MTHFD2L: variants seen among roughly 807,000 people sequenced by gnomAD.
MTHFD2L encodes the protein bifunctional methylenetetrahydrofolate dehydrogenase/cyclohydrolase 2, mitochondrial.
A neutral mutation model predicts 34.9 loss-of-function variants in MTHFD2L; 29 were observed. The observed-to-expected ratio is 0.83, with a 90% CI of 0.62 to 1.13. The LOEUF (loss-of-function observed/expected upper bound fraction) is 1.13. Among genes scored for constraint, MTHFD2L ranks in the 50% most tolerant of loss-of-function variants. The pLI, the probability that MTHFD2L is intolerant of heterozygous loss-of-function variation, is 0.00. For synonymous variants in MTHFD2L, 167 were observed against 155.7 expected (o/e 1.07, Z -0.54); for missense variants, 481 against 446.5 (o/e 1.08, Z -0.70).
chr4:74,192,637 C>T (rs1732756093), intron 3 of MTHFD2L, among the ~76,000 whole-genome samples: 2 of 152,146 alleles, frequency 1.3e-5, no homozygotes, highest in Admixed American at 6.6e-5. Context: ...CATGCCCCTT[C>T]CCAGACAGTC....
At chr4:74,290,998 C>CTTT (rs1560565979) in intron 7 of MTHFD2L, among the ~76,000 whole-genome samples, 63 of 46,152 alleles carry the variant, frequency 1.4e-3, no homozygotes, top group African/African-American at 4.1e-3. Flanking sequence ...TTTATTTTTC[C>CTTT]TTTTCTTTTT....
At chr4:74,267,056 C>T in intron 6 of MTHFD2L, 1 of 985,240 alleles carries the variant, frequency 1.0e-6, no homozygotes, top group Non-Finnish European at 1.2e-6. Flanking sequence ...ACTAATATAC[C>T]TCTCCTTGCT....
At chr4:74,207,178 A>G (rs1735489137) in intron 5 of MTHFD2L, among the ~76,000 whole-genome samples, 2 of 152,068 alleles carry the variant, frequency 1.3e-5, no homozygotes. Flanking sequence ...GAGATTACAG[A>G]CGTGAGCCAC....
intron 5 of MTHFD2L, among the ~76,000 whole-genome samples, chr4:74,220,546 C>T (rs1481509189): frequency 4.0e-5 from 6 of 151,866 alleles, no homozygotes; most frequent in African/African-American, 9.7e-5. Context: ...TGATATTAAA[C>T]ATTCCTATCC....
At chr4:74,204,437 C>G (rs937555067) in intron 5 of MTHFD2L, among the ~76,000 whole-genome samples, 1 of 152,094 alleles carries the variant, frequency 6.6e-6, no homozygotes, top group East Asian at 1.9e-4. Flanking sequence ...GTAACATGAT[C>G]TGAGATTAAT....
At chr4:74,167,691 A>G (rs1190609656) in intron 1 of MTHFD2L, among the ~76,000 whole-genome samples, 12 of 152,142 alleles carry the variant, frequency 7.9e-5, no homozygotes, top group Admixed American at 2.6e-4. Context: ...GGCAGAGGGA[A>G]TATTATATCT....
intron 7 of MTHFD2L, among the ~76,000 whole-genome samples, chr4:74,298,825 G>T (rs1312990624): frequency 6.6e-6 from 1 of 151,832 alleles, no homozygotes; most frequent in Non-Finnish European, 1.5e-5. Flanking sequence ...TTTTCTACTC[G>T]TTTAGGTCAT....
chr4:74,175,158 A>G, intron 2 of MTHFD2L, 123 bp from the exon 3 acceptor site: 1 of 1,016,588 alleles, frequency 9.8e-7, no homozygotes, highest in Non-Finnish European at 1.4e-6. Flanking sequence ...ATCCTTCCTG[A>G]TGATGCATGG....
intron 6 of MTHFD2L, among the ~76,000 whole-genome samples, chr4:74,264,088 T>G (rs1306462939): frequency 1.3e-5 from 2 of 152,062 alleles, no homozygotes; most frequent in African/African-American, 4.8e-5. Flanking sequence ...TGTGAAAACC[T>G]TACAGTTTTC....
chr4:74,115,496 A>G (rs958227066), intron 2 of MTHFD2L, among the ~76,000 whole-genome samples: 1 of 152,262 alleles, frequency 6.6e-6, no homozygotes, highest in South Asian at 2.1e-4. Context: ...TGTATGAACA[A>G]TGAGCACACT....
At chr4:74,181,614 GAGA>G (rs1298093534) in intron 3 of MTHFD2L, 1 of 152,136 alleles carries the variant, frequency 6.6e-6, no homozygotes, top group African/African-American at 2.4e-5. Context: ...CTTGCTCTCT[GAGA>G]AGTCTACTTC....
Position 74,170,374 on chromosome 4 carries a change from T to C in MTHFD2L, c.144-4132T>C, listed in dbSNP as rs542114009. Among the ~76,000 whole-genome samples, 7 of 152,262 alleles carry C rather than the reference T, an allele frequency of 4.6e-5. No homozygotes were observed. In the East Asian group the frequency reaches 1.2e-3, roughly 25 times the overall value. Reference sequence around the variant, plus strand: ...CAGACTAACACTCGAGAAAAACATATGATCATCTCAATAGACATAAAAAAC... The same window carrying C: ...CAGACTAACACTCGAGAAAAACATACGATCATCTCAATAGACATAAAAAAC... On this transcript the variant is annotated intron_variant, in intron 1 of 7. Coordinates refer to ENST00000325278, the MANE Select transcript of MTHFD2L (RefSeq NM_001144978.3).
At chr4:74,268,204 C>T (rs897400897) in intron 6 of MTHFD2L, 3 of 982,110 alleles carry the variant, frequency 3.1e-6, no homozygotes, top group Non-Finnish European at 3.6e-6. Context: ...AATGTAGGCT[C>T]TATTTATCTA....
chr4:74,219,498 T>G (rs911934195), intron 5 of MTHFD2L, among the ~76,000 whole-genome samples: 1 of 152,008 alleles, frequency 6.6e-6, no homozygotes, highest in Non-Finnish European at 1.5e-5. Context: ...AGAAAAAAAT[T>G]AGGTGCAGCA....
intron 6 of MTHFD2L, among the ~76,000 whole-genome samples, chr4:74,259,457 A>G (rs1309265045): frequency 6.6e-6 from 1 of 152,162 alleles, no homozygotes; most frequent in Non-Finnish European, 1.5e-5. Flanking sequence ...AGCATGAACT[A>G]GTAACAGGAT....
chr4:74,267,811 G>C, intron 6 of MTHFD2L: 1 of 985,334 alleles, frequency 1.0e-6, no homozygotes, highest in Non-Finnish European at 1.2e-6. Flanking sequence ...TATGGTCCAA[G>C]GCAGAAGGTG....
In MTHFD2L at chr4:74,150,708, C is replaced by G. The variant is rs551457259; in HGVS notation, c.-296-9347C>G. Reference sequence around the variant, plus strand: ...ATATGTTGTTTTAAATGACACACATCAAAACAAAGTGAAACAAAATTTAAA... The same window carrying G: ...ATATGTTGTTTTAAATGACACACATGAAAACAAAGTGAAACAAAATTTAAA... On this transcript the variant is annotated intron_variant, in intron 1 of 7. Transcript: ENST00000433372. Among the ~76,000 whole-genome samples the G allele has an allele frequency of 2.0e-5, 3 of 151,830 alleles. No individual in the cohort carries two copies. In the East Asian group the frequency reaches 5.8e-4, roughly 29 times the overall value.
Position 74,190,579 on chromosome 4 carries a change from C to T in MTHFD2L, c.452-9215C>T, listed in dbSNP as rs556752673. ...CAGAATTTGGGGTGGAGTAGCTCAG[C>T]GAGGTTAGAGTGTGTTCCCATTCCT... On this transcript the variant is annotated intron_variant, in intron 3 of 7. Coordinates refer to ENST00000325278, the MANE Select transcript of MTHFD2L (RefSeq NM_001144978.3). 57 of 934,258 alleles carry T rather than the reference C, an allele frequency of 6.1e-5. 1 individual carries two copies. Among genetic ancestry groups the T allele is most frequent in the South Asian group, 9.9e-5 (2 of 20,242 alleles). The allele number at this position is 934,258 out of a possible 1,614,324, so 57.9% of individuals were successfully genotyped here.
At chr4:74,272,624 G>A (rs550138439) in intron 6 of MTHFD2L, among the ~76,000 whole-genome samples, 43 of 152,092 alleles carry the variant, frequency 2.8e-4, no homozygotes, top group African/African-American at 3.4e-4. Context: ...TGGTAATACC[G>A]GATTGTTTTA....
Sources: allele counts gnomAD v4.1 joint callset (sites outside exome capture counted in the v4.1 genomes callset), GRCh38; gene constraint gnomAD v4.1.1; transcripts MANE v1.5; gene names NCBI Gene and HGNC (gene_info 2026-07-23, HGNC 2026-07-21).